NUMB: variants seen among roughly 807,000 people sequenced by gnomAD.
NUMB encodes NUMB endocytic adaptor protein.
A neutral mutation model predicts 59.7 loss-of-function variants in NUMB; 29 were observed. The ratio of observed to expected loss-of-function variants is 0.49; its 90% CI spans 0.36 to 0.66. The LOEUF is 0.66. Among genes scored for constraint, NUMB ranks in the 30% least tolerant of loss-of-function variants. The pLI is 0.00. For missense variants in NUMB, 723 were observed against 822.0 expected (o/e 0.88, Z 1.47); for synonymous variants, 288 against 288.2 (o/e 1.00, Z 0.01).
rs570360828 is a variant in NUMB, at chr14:73,355,607, T to C, written c.126+19A>G. 37 of 1,606,536 alleles carry C rather than the reference T, an allele frequency of 2.3e-5. No individual in the cohort carries two copies. The East Asian group carries it at 4.7e-4, about 20-fold the overall frequency. The stretch of plus-strand genomic sequence containing the variant: ...CAGTTCTTTTCCACATACAGACTTA[T>C]AGAAACATCAGCTCTTACCTTAACC... On this transcript the variant is annotated intron_variant, in intron 4 of 12. Coordinates refer to ENST00000555238, the MANE Select transcript of NUMB (RefSeq NM_001005743.2).
chr14:73,355,582 CA>C, intron 4 of NUMB, 43 bp downstream of exon 4: 1 of 1,562,218 alleles, frequency 6.4e-7, no homozygotes. Context: ...ACTAGATTGT[CA>C]GTTCTTTTCC....
chr14:73,301,234 T>C (rs1316277481), intron 6 of NUMB, among the ~76,000 whole-genome samples: 2 of 152,238 alleles, frequency 1.3e-5, no homozygotes, highest in Non-Finnish European at 2.9e-5. Context: ...CTGACAATCC[T>C]AAGATATTTA....
chr14:73,372,896 AG>A (rs1407343658), intron 2 of NUMB, among the ~76,000 whole-genome samples: 3 of 152,132 alleles, frequency 2.0e-5, no homozygotes, highest in Admixed American at 2.0e-4. Flanking sequence ...TGAGTTTAAG[AG>A]TATACCATTT....
In NUMB at chr14:73,284,176, T is replaced by A. The variant is rs748132394; in HGVS notation, c.854A>T (p.Gln285Leu). The A allele has an allele frequency of 6.2e-7, 1 of 1,614,194 alleles. No homozygotes were observed. Among genetic ancestry groups the A allele is most frequent in the Non-Finnish European group, 8.5e-7 (1 of 1,180,034 alleles). Residue 285 changes from glutamine (Q) to leucine (L), a missense_variant, in exon 10 of 13, where the codon CAG (glutamine) becomes CTG (leucine). Physicochemically the swap from Gln to Leu is moderately radical, Grantham distance 113. Around this residue, in one of 2 missense-constraint regions of NUMB, gnomAD observed 317 missense variants for 436.6 expected, o/e 0.73. Coordinates refer to ENST00000555238, the MANE Select transcript of NUMB (RefSeq NM_001005743.2). ...TTGGCGTTTAAAGGGTGACATCTTC[T>A]GGCTAAGAGCAGGAAAACCTCGGAA... Reference protein sequence around the residue: ...GSFRGFPALSQKMSPFKRQLS... With the variant: ...GSFRGFPALSLKMSPFKRQLS...
intron 1 of NUMB, among the ~76,000 whole-genome samples, chr14:73,452,534 C>T (rs1884062239): frequency 6.6e-6 from 1 of 152,058 alleles, no homozygotes; most frequent in South Asian, 2.1e-4. Flanking sequence ...AAAAAAGGAA[C>T]GTAACTTATC....
intron 4 of NUMB, among the ~76,000 whole-genome samples, chr14:73,350,695 CTT>C (rs71112733): frequency 7.5e-6 from 1 of 133,714 alleles, no homozygotes. Flanking sequence ...CCACATCTAG[CTT>C]TTTTTTTTTT....
chr14:73,334,882 G>A (rs766753070), intron 4 of NUMB, among the ~76,000 whole-genome samples: 2 of 150,688 alleles, frequency 1.3e-5, no homozygotes, highest in Non-Finnish European at 1.5e-5. Flanking sequence ...CTGGGAGGCG[G>A]AGGTTGCAGT....
chr14:73,333,047 A>C (rs1263172800), intron 4 of NUMB, among the ~76,000 whole-genome samples: 2 of 152,192 alleles, frequency 1.3e-5, no homozygotes, highest in Admixed American at 1.3e-4. Flanking sequence ...TAGTGCTATA[A>C]ACATGTATTT....
intron 6 of NUMB, among the ~76,000 whole-genome samples, chr14:73,306,003 C>T (rs1040511920): frequency 6.6e-6 from 1 of 152,180 alleles, no homozygotes; most frequent in African/African-American, 2.4e-5. Flanking sequence ...AATTTCTGAA[C>T]AGAATGGTGT....
At position 73,395,037 on chromosome 14, in the gene NUMB, T is replaced by TTATGTGTGTGTGTG. The variant is rs1230785169; in HGVS notation, c.-101+14899_-101+14900insCACACACACACATA. On this transcript the variant is annotated intron_variant, in intron 2 of 12. Transcript: ENST00000555238. The stretch of plus-strand genomic sequence containing the variant: ...TTAAGGTTGAATAGTATTCGTGTGT[T>TTATGTGTGTGTGTG]TGTGTGTGTGTGTGTGTGTGTGTGT... Among the ~76,000 whole-genome samples, 718 of 119,988 alleles carry TTATGTGTGTGTGTG rather than the reference T, an allele frequency of 6.0e-3. 31 individuals are homozygous for TTATGTGTGTGTGTG. The highest frequency in any genetic ancestry group is 0.033 in the East Asian group (125 of 3,814). 78.7% of individuals were successfully genotyped at this position (119,988 alleles called of 152,430 possible). A position where few individuals can be genotyped will look rare whatever the true frequency, so the allele number is the denominator to read the frequency against.
At chr14:73,440,187 CTAGATATCCATATATATATA>C (rs1882920714) in intron 1 of NUMB, among the ~76,000 whole-genome samples, 2 of 141,894 alleles carry the variant, frequency 1.4e-5, no homozygotes, top group South Asian at 2.2e-4. Flanking sequence ...GCTGGGACAA[CTAGATATCCATATATATATA>C]TGGATATCCA....
intron 4 of NUMB, among the ~76,000 whole-genome samples, chr14:73,345,105 A>G (rs1892837986): frequency 6.6e-6 from 1 of 152,236 alleles, no homozygotes; most frequent in African/African-American, 2.4e-5. Flanking sequence ...GTAGATGCCC[A>G]TCAGTGGTGG....
chr14:73,326,463 C>T (rs1891668452), intron 4 of NUMB, among the ~76,000 whole-genome samples: 1 of 151,918 alleles, frequency 6.6e-6, no homozygotes, highest in South Asian at 2.1e-4. Context: ...CCCGTCTCTA[C>T]TAAAAATACA....
intron 1 of NUMB, among the ~76,000 whole-genome samples, chr14:73,413,978 A>G (rs140749908): frequency 0.051 from 7,553 of 148,518 alleles, 620 homozygotes; most frequent in African/African-American, 0.18. Context: ...TTTTTGATAC[A>G]GAGTCTCACT....
At chr14:73,316,217 C>G (rs1396176295) in intron 6 of NUMB, among the ~76,000 whole-genome samples, 173 bp downstream of exon 6, 1 of 152,038 alleles carries the variant, frequency 6.6e-6, no homozygotes. Flanking sequence ...ATCAGTAGAC[C>G]CACTGATAAT....
intron 1 of NUMB, among the ~76,000 whole-genome samples, chr14:73,444,725 C>T (rs537425579): frequency 9.9e-5 from 15 of 151,928 alleles, no homozygotes; most frequent in African/African-American, 2.7e-4. Flanking sequence ...GGCGTGGTGG[C>T]GTGCGCCTGT....
chr14:73,437,295 C>G (rs796621540), intron 1 of NUMB, among the ~76,000 whole-genome samples: 4 of 152,194 alleles, frequency 2.6e-5, no homozygotes, highest in African/African-American at 7.2e-5. Flanking sequence ...ATCCAGCCTC[C>G]CAAAGTGCTG....
rs1893205240 is a variant in NUMB, at chr14:73,350,738, AGG to A, written c.126+4886_126+4887del. ...GAGATGGGGTCTCACCATGTTGCCC[AGG>A]CTGGTCTCGAACTCTTGGGCTCAAG... On this transcript the variant is annotated intron_variant, in intron 4 of 12. Coordinates refer to ENST00000555238, the MANE Select transcript of NUMB (RefSeq NM_001005743.2). 8.5e-5 allele frequency among the ~76,000 whole-genome samples: 12 copies of A among 140,916 alleles called. No individual in the cohort carries two copies. In the South Asian group the frequency reaches 2.7e-3, roughly 31 times the overall value. The allele number at this position is 140,916 out of a possible 152,430, so 92.4% of individuals were successfully genotyped here.
intron 2 of NUMB, among the ~76,000 whole-genome samples, chr14:73,382,421 C>T (rs1260939718): frequency 1.3e-5 from 2 of 151,318 alleles, no homozygotes; most frequent in African/African-American, 4.9e-5. Context: ...TGCCACTGCG[C>T]CCAGCCAAAG....
Sources: gnomAD v4.1 joint callset for allele counts (sites outside exome capture counted in the v4.1 genomes callset) on GRCh38, gnomAD v4.1.1 for gene constraint, gnomAD v4.1.1 regional missense constraint, MANE v1.5 for transcripts, NCBI Gene and HGNC (gene_info 2026-07-23, HGNC 2026-07-21) for gene names.